Variants in CDH13 observed in about 807,000 individuals in gnomAD.
The protein encoded by CDH13 is cadherin 13.
A neutral mutation model predicts 63.8 loss-of-function variants in CDH13; 24 were observed. That is an observed-to-expected ratio of 0.38 (90% CI 0.27 to 0.53). CDH13 has a LOEUF of 0.53. Among genes scored for constraint, CDH13 ranks in the 20% least tolerant of loss-of-function variants. The probability of loss-of-function intolerance (pLI) is 0.85; values close to 1 mark genes in which losing one functional copy is unlikely to be tolerated. For synonymous variants in CDH13, 503 were observed against 355.3 expected, an observed-to-expected ratio of 1.42 and a Z score of -4.67; for missense variants, 1,049 against 903.1, an observed-to-expected ratio of 1.16 and a Z score of -2.07.
chr16:82,637,254 TAAGA>T (rs974851140), intron 1 of CDH13, among the ~76,000 whole-genome samples: 6 of 152,306 alleles, frequency 3.9e-5, no homozygotes, highest in Admixed American at 3.3e-4. Flanking sequence ...GTTTTTGCAG[TAAGA>T]AAGATTATTG....
chr16:83,154,563 CA>C (rs755336374), intron 4 of CDH13, among the ~76,000 whole-genome samples: 6,948 of 98,444 alleles, frequency 0.071, 433 homozygotes, highest in African/African-American at 0.21. Context: ...GACTCCATCT[CA>C]AAAAAAAAAA....
At chr16:83,714,184 C>A (rs1160996651) in intron 10 of CDH13, among the ~76,000 whole-genome samples, 2 of 152,216 alleles carry the variant, frequency 1.3e-5, no homozygotes, top group African/African-American at 4.8e-5. Context: ...CTGCAAATCA[C>A]ACGATAGTAA....
rs200817048 is a variant in CDH13 at position 82,690,278 on chromosome 16, C to T, written c.45+63141C>T. The stretch of plus-strand genomic sequence containing the variant: ...TGGTGAGACAACCAGTGGGCATATA[C>T]TGTGTAGACTACCAGAAAGCTTTGG... On this transcript the variant is annotated intron_variant, in intron 1 of 13. Coordinates refer to ENST00000567109, the MANE Select transcript of CDH13 (RefSeq NM_001257.5). Among the ~76,000 whole-genome samples, 6 of 151,812 alleles carry T rather than the reference C, an allele frequency of 4.0e-5. No homozygotes were observed. The East Asian group carries it at 1.2e-3, about 29-fold the overall frequency.
chr16:82,645,868 G>A (rs1212520001), intron 1 of CDH13, among the ~76,000 whole-genome samples: 1 of 152,214 alleles, frequency 6.6e-6, no homozygotes, highest in Non-Finnish European at 1.5e-5. Flanking sequence ...AGAAGCTAAG[G>A]TATTCGTAAG....
At chr16:83,779,051 T>C (rs933454548) in intron 11 of CDH13, among the ~76,000 whole-genome samples, 1 of 152,190 alleles carries the variant, frequency 6.6e-6, no homozygotes, top group African/African-American at 2.4e-5. Flanking sequence ...AGAATGACTT[T>C]TTAGTGTGTG....
intron 1 of CDH13, among the ~76,000 whole-genome samples, chr16:82,774,405 A>G (rs2035398081): frequency 6.6e-6 from 1 of 151,156 alleles, no homozygotes; most frequent in Non-Finnish European, 1.5e-5. Context: ...CTCATAGGTT[A>G]TTGTGAGAAA....
At chr16:83,011,607 A>G (rs187860621) in intron 2 of CDH13, among the ~76,000 whole-genome samples, 139 of 152,292 alleles carry the variant, frequency 9.1e-4, no homozygotes, top group African/African-American at 3.2e-3. Flanking sequence ...CACAAGAAAC[A>G]TGCATACACA....
At chr16:83,527,569 C>T (rs1476278711) in intron 7 of CDH13, among the ~76,000 whole-genome samples, 2 of 152,174 alleles carry the variant, frequency 1.3e-5, no homozygotes, top group African/African-American at 2.4e-5. Context: ...AGAAACGGCC[C>T]AGGGCAACTA....
chr16:83,414,035 A>G (rs909097450), intron 6 of CDH13, among the ~76,000 whole-genome samples: 1 of 152,166 alleles, frequency 6.6e-6, no homozygotes, highest in African/African-American at 2.4e-5. Context: ...GTCCTTTGTA[A>G]ACTTCTGAAA....
Position 83,121,493 on chromosome 16 carries a change from G to A in CDH13, c.367-3892G>A, listed in dbSNP as rs887247154. ...CCAGCACATTGGCCAGCATACGCTTGCTGTATCATTATTATAGTAGTTTAG... is the reference window on the plus strand; with the variant it reads ...CCAGCACATTGGCCAGCATACGCTTACTGTATCATTATTATAGTAGTTTAG... On this transcript the variant is annotated intron_variant, in intron 3 of 13. Coordinates refer to ENST00000567109, the MANE Select transcript of CDH13 (RefSeq NM_001257.5). Among the ~76,000 whole-genome samples, 4 of 152,224 alleles carry A rather than the reference G, an allele frequency of 2.6e-5. No homozygotes were observed. In the East Asian group the frequency reaches 7.7e-4, roughly 29 times the overall value.
At chr16:83,170,742 C>T (rs151152503) in intron 4 of CDH13, among the ~76,000 whole-genome samples, 1,570 of 152,154 alleles carry the variant, frequency 0.01, 19 homozygotes, top group Non-Finnish European at 0.013. Flanking sequence ...AATGGAAAGT[C>T]CAAGAGTCGT....
At chr16:83,555,686 C>T (rs1216666403) in intron 7 of CDH13, among the ~76,000 whole-genome samples, 1 of 152,218 alleles carries the variant, frequency 6.6e-6, no homozygotes, top group African/African-American at 2.4e-5. Context: ...GAAACGCAAT[C>T]TGTTTGGGGG....
chr16:82,751,485 A>G (rs145607509), intron 1 of CDH13, among the ~76,000 whole-genome samples: 1 of 152,006 alleles, frequency 6.6e-6, no homozygotes, highest in Non-Finnish European at 1.5e-5. Flanking sequence ...CTGACCTCCT[A>G]CTACAGCACC....
intron 4 of CDH13, among the ~76,000 whole-genome samples, chr16:83,200,921 ATG>A (rs374017580): frequency 0.096 from 12,477 of 129,336 alleles, 558 homozygotes; most frequent in East Asian, 0.17. Flanking sequence ...AGTCTTAAAA[ATG>A]TGTGTGTGTG....
intron 1 of CDH13, among the ~76,000 whole-genome samples, chr16:82,702,754 C>G (rs190575028): frequency 9.9e-4 from 151 of 152,282 alleles, no homozygotes; most frequent in African/African-American, 3.5e-3. Context: ...TTCTTCCTGA[C>G]TGATGGCCAT....
At chr16:83,791,832 G>T (rs1278185076) in intron 13 of CDH13, among the ~76,000 whole-genome samples, 1 of 116,462 alleles carries the variant, frequency 8.6e-6, no homozygotes, top group Non-Finnish European at 1.8e-5. Flanking sequence ...AAAAAAAAAA[G>T]CCAAGATGAG....
At chr16:83,013,965 C>T (rs916496234) in intron 2 of CDH13, among the ~76,000 whole-genome samples, 3 of 152,094 alleles carry the variant, frequency 2.0e-5, no homozygotes, top group Non-Finnish European at 4.4e-5. Context: ...TCTGTATAAG[C>T]ACGTCTTCAT....
At chr16:83,368,695 C>G (rs1035093773) in intron 6 of CDH13, among the ~76,000 whole-genome samples, 3 of 151,322 alleles carry the variant, frequency 2.0e-5, no homozygotes, top group Non-Finnish European at 2.9e-5. Context: ...CAAGTCCCCA[C>G]AGTCCAATAC....
At chr16:83,291,093 G>T (rs1290083245) in intron 5 of CDH13, among the ~76,000 whole-genome samples, 1 of 152,134 alleles carries the variant, frequency 6.6e-6, no homozygotes, top group East Asian at 1.9e-4. Context: ...ACTACCCGTT[G>T]TTCAAAGCGG....
Sources: allele counts gnomAD v4.1 joint callset (sites outside exome capture counted in the v4.1 genomes callset), GRCh38; gene constraint gnomAD v4.1.1; transcripts MANE v1.5; gene names NCBI Gene and HGNC (gene_info 2026-07-23, HGNC 2026-07-21).